Variants in SOX5 observed in about 807,000 individuals in gnomAD.
The protein encoded by SOX5 is transcription factor SOX-5.
Under a neutral mutation model 92.0 loss-of-function variants are expected in SOX5, and 9 were observed. The observed-to-expected ratio is 0.10, with a 90% CI of 0.06 to 0.17. The LOEUF (loss-of-function observed/expected upper bound fraction) is 0.17. Ranked by LOEUF, SOX5 falls within the 10% of genes least tolerant of loss-of-function variation. The pLI is 1.00. For synonymous variants in SOX5, 344 were observed against 336.3 expected, an observed-to-expected ratio of 1.02 and a Z score of -0.25; for missense variants, 642 against 944.5, an observed-to-expected ratio of 0.68 and a Z score of 4.20.
intron 1 of SOX5, among the ~76,000 whole-genome samples, chr12:24,403,864 A>G (rs545531887): frequency 6.6e-6 from 1 of 152,326 alleles, no homozygotes; most frequent in African/African-American, 2.4e-5. Flanking sequence ...TTCTGTAGGT[A>G]TATACTTCAG....
At chr12:23,566,255 C>T (rs1303164632) in intron 10 of SOX5, among the ~76,000 whole-genome samples, 1 of 152,312 alleles carries the variant, frequency 6.6e-6, no homozygotes, top group Non-Finnish European at 1.5e-5. Context: ...TTTGCCCTCT[C>T]TTTCCAACAC....
chr12:23,979,012 T>G (rs1268490339), intron 4 of SOX5, among the ~76,000 whole-genome samples: 1 of 152,182 alleles, frequency 6.6e-6, no homozygotes, highest in Non-Finnish European at 1.5e-5. Flanking sequence ...ATGTATCAAT[T>G]AAGGCAATAT....
intron 3 of SOX5, 93 bp from the exon 4 acceptor site, chr12:23,755,817 C>T (rs1230975712): frequency 2.7e-6 from 2 of 737,886 alleles, no homozygotes; most frequent in African/African-American, 1.9e-5. Context: ...AAGGCCATCC[C>T]TATCCCAGCC....
chr12:24,196,102 C>A (rs1956987192), intron 4 of SOX5, among the ~76,000 whole-genome samples: 1 of 152,240 alleles, frequency 6.6e-6, no homozygotes, highest in South Asian at 2.1e-4. Flanking sequence ...ACAGGCTGGT[C>A]TTGAGTTTCT....
At chr12:23,850,500 A>T (rs1246675381) in intron 2 of SOX5, among the ~76,000 whole-genome samples, 1 of 151,388 alleles carries the variant, frequency 6.6e-6, no homozygotes, top group African/African-American at 2.4e-5. Flanking sequence ...GGAGAAGGTA[A>T]AACAAAACTT....
intron 11 of SOX5, among the ~76,000 whole-genome samples, chr12:23,546,686 T>C (rs1310812580): frequency 6.6e-6 from 1 of 152,132 alleles, no homozygotes. Flanking sequence ...CCGGGATCCT[T>C]GGAGACAACC....
intron 2 of SOX5, among the ~76,000 whole-genome samples, chr12:23,885,852 C>T (rs1324297511): frequency 2.0e-5 from 3 of 147,304 alleles, no homozygotes; most frequent in East Asian, 2.0e-4. Flanking sequence ...AAAAAAATTG[C>T]TTTCCAAAAC....
At chr12:24,184,276 G>A in intron 4 of SOX5, among the ~76,000 whole-genome samples, 1 of 152,056 alleles carries the variant, frequency 6.6e-6, no homozygotes, top group East Asian at 1.9e-4. Context: ...AACTAAGGTT[G>A]TAAAAAGATT....
chr12:23,875,600 G>A (rs2096919303), intron 2 of SOX5, among the ~76,000 whole-genome samples: 1 of 152,062 alleles, frequency 6.6e-6, no homozygotes, highest in South Asian at 2.1e-4. Context: ...AGGAAAGAAG[G>A]CAGGAAGAAA....
At chr12:23,802,443 A>G (rs945369926) in intron 3 of SOX5, among the ~76,000 whole-genome samples, 41 of 152,200 alleles carry the variant, frequency 2.7e-4, no homozygotes, top group Admixed American at 2.0e-4. Context: ...AAGTCTATGG[A>G]TATGCACAAT....
intron 6 of SOX5, among the ~76,000 whole-genome samples, chr12:23,680,565 AT>A (rs1264778361): frequency 1.3e-5 from 2 of 151,768 alleles, no homozygotes; most frequent in South Asian, 2.1e-4. Context: ...GAGAAAAAAA[AT>A]TTTTTTAAAT....
At position 23,977,663 on chromosome 12, in the gene SOX5, C is replaced by CAAAA. The variant is rs11287193; in HGVS notation, c.-1-81643_-1-81640dup. Among the ~76,000 whole-genome samples the CAAAA allele has an allele frequency of 1.6e-3, 207 of 129,514 alleles. 1 individual carries two copies. The highest frequency in any genetic ancestry group is 5.9e-3 in the African/African-American group (196 of 33,388). The allele number at this position is 129,514 out of a possible 152,430, so 85.0% of individuals were successfully genotyped here. A position where few individuals can be genotyped will look rare whatever the true frequency, so the allele number is the denominator to read the frequency against. The stretch of plus-strand genomic sequence containing the variant: ...CCTGGTCGAGAGTCTCGTTCTGTCT[C>CAAAA]AAAAAAAAAAAAAAAAGTGAAGATG... On this transcript the variant is annotated intron_variant, in intron 4 of 4. Coordinates refer to the SOX5 transcript ENST00000446891.
chr12:24,410,858 T>C (rs1398726323), intron 1 of SOX5, among the ~76,000 whole-genome samples: 1 of 152,178 alleles, frequency 6.6e-6, no homozygotes, highest in African/African-American at 2.4e-5. Flanking sequence ...AAAGCCTTGT[T>C]GAGATTTTGA....
chr12:23,901,876 G>A (rs1383441475), intron 1 of SOX5, among the ~76,000 whole-genome samples: 1 of 152,164 alleles, frequency 6.6e-6, no homozygotes, highest in African/African-American at 2.4e-5. Context: ...TATAGGACAA[G>A]TATGCTTCGA....
intron 2 of SOX5, among the ~76,000 whole-genome samples, chr12:24,346,786 G>A (rs941803542): frequency 2.0e-5 from 3 of 151,954 alleles, no homozygotes; most frequent in East Asian, 1.9e-4. Context: ...AAAATTTGTG[G>A]TGTACACCGC....
intron 8 of SOX5, among the ~76,000 whole-genome samples, chr12:23,606,948 A>T (rs2075328789): frequency 6.6e-6 from 1 of 152,164 alleles, no homozygotes; most frequent in African/African-American, 2.4e-5. Context: ...CCTTGCTGGT[A>T]TTTCTACAGA....
chr12:23,726,311 C>T (rs2093132512), intron 6 of SOX5, among the ~76,000 whole-genome samples: 1 of 152,138 alleles, frequency 6.6e-6, no homozygotes, highest in African/African-American at 2.4e-5. Flanking sequence ...TGTCTTGAAT[C>T]ATGACGTAAC....
intron 1 of SOX5, among the ~76,000 whole-genome samples, chr12:24,445,910 A>G (rs1401419661): frequency 6.6e-6 from 1 of 152,206 alleles, no homozygotes; most frequent in African/African-American, 2.4e-5. Flanking sequence ...GACAGACAGA[A>G]CATATAATCT....
intron 1 of SOX5, among the ~76,000 whole-genome samples, chr12:24,480,979 A>T (rs896539610): frequency 6.6e-6 from 1 of 152,214 alleles, no homozygotes; most frequent in African/African-American, 2.4e-5. Flanking sequence ...AGCACTTTTC[A>T]CAATAGCCAA....
Sources: gnomAD v4.1 joint callset for allele counts (sites outside exome capture counted in the v4.1 genomes callset) on GRCh38, gnomAD v4.1.1 for gene constraint, MANE v1.5 for transcripts, NCBI Gene and HGNC (gene_info 2026-07-23, HGNC 2026-07-21) for gene names.